PGA5: variants seen among roughly 807,000 people sequenced by gnomAD.
PGA5 encodes the protein pepsin A-5.
Under a neutral mutation model 15.9 loss-of-function variants are expected in PGA5, and 19 were observed. That is an observed-to-expected ratio of 1.19 (90% confidence interval 0.83 to 1.75). The LOEUF is 1.75. Among genes scored for constraint, PGA5 ranks in the 40% most tolerant of loss-of-function variants. The probability of loss-of-function intolerance (pLI) is 0.00; values close to 1 mark genes in which losing one functional copy is unlikely to be tolerated. For missense variants in PGA5, 224 were observed against 246.4 expected (o/e 0.91, Z 0.61); for synonymous variants, 92 against 95.8 (o/e 0.96, Z 0.23).
At position 61,249,601 on chromosome 11, in the gene PGA5, T is replaced by C. The variant is rs548059628; in HGVS notation, c.774-68T>C. 4.8e-4 allele frequency: 776 copies of C among 1,613,002 alleles called. 9 individuals carry two copies. In the South Asian group the frequency reaches 8.2e-3, roughly 17 times the overall value. ...TGGGGAAGGAATGTCTGGGCTCACC[T>C]CCTGGTTCCTCCTTGGAGAGATGAA... On this transcript the variant is annotated intron_variant, in intron 6 of 8. Coordinates refer to ENST00000312403, the MANE Select transcript of PGA5 (RefSeq NM_014224.5).
chr11:61,250,066 C>T lies in PGA5; in HGVS notation c.1017+52C>T, dbSNP rs769541559. The T allele has an allele frequency of 8.2e-6, 13 of 1,587,044 alleles. No homozygotes were observed. In the African/African-American group the frequency reaches 1.7e-4, roughly 20 times the overall value. Reference sequence around the variant, plus strand: ...GAGAGGTTCACACAGAATGTGGACACAGAGTCCCCTTCTGCAGAGGGAAAG... The same window carrying T: ...GAGAGGTTCACACAGAATGTGGACATAGAGTCCCCTTCTGCAGAGGGAAAG... On this transcript the variant is annotated intron_variant, in intron 8 of 8. Coordinates refer to ENST00000312403, the MANE Select transcript of PGA5 (RefSeq NM_014224.5).
intron 8 of PGA5, chr11:61,250,549 T>C: frequency 2.2e-6 from 1 of 456,648 alleles, no homozygotes; most frequent in South Asian, 1.6e-5. Flanking sequence ...CTTTCCCTTC[T>C]GTTATTATAA....
chr11:61,248,339 C>A (rs561301513), intron 5 of PGA5, 80 bp from the exon 6 acceptor site: 7 of 1,613,758 alleles, frequency 4.3e-6, no homozygotes, highest in African/African-American at 4.0e-5. Context: ...AATCAACGGT[C>A]GCTCTGAGGA....
chr11:61,250,621 C>T, intron 8 of PGA5: 1 of 459,586 alleles, frequency 2.2e-6, no homozygotes, highest in Non-Finnish European at 4.3e-6. Flanking sequence ...GCACTGATGC[C>T]TGGGCTCCCC....
At chr11:61,248,057 T>G (rs946412917) in intron 5 of PGA5, 1 of 611,306 alleles carries the variant, frequency 1.6e-6, no homozygotes, top group Non-Finnish European at 2.9e-6. Context: ...GAGCGGACAC[T>G]GTCATGCATT....
rs1357577100 is a variant in PGA5, at chr11:61,251,376, G to C, written c.*95G>C. ...ATTCTCCTGACTGTTCTTCCCAGGG[G>C]AGTGTGAAGGTCTTGGCCCTGTTCC... is the stretch of plus-strand genomic sequence containing the variant. On this transcript the variant is annotated 3_prime_UTR_variant, in exon 9 of 9. Transcript: ENST00000312403. 2 of 1,588,784 alleles carry C rather than the reference G, an allele frequency of 1.3e-6. No homozygotes were observed. The highest frequency in any genetic ancestry group is 3.4e-5 in the Admixed American group (2 of 58,662).
At chr11:61,251,005 C>G in intron 8 of PGA5, 127 bp from the exon 9 acceptor site, 2 of 1,575,540 alleles carry the variant, frequency 1.3e-6, no homozygotes, top group Non-Finnish European at 1.7e-6. Context: ...TCCCTGGACA[C>G]TGAGCCAGGA....
rs756045395 is a variant in PGA5, at chr11:61,251,185, T to C, written c.1071T>C (p.Ser357=). The change falls in exon 9 of 9, where the codon TCT becomes TCC. Residue 357 remains serine, a synonymous_variant. Coordinates refer to ENST00000312403, the MANE Select transcript of PGA5 (RefSeq NM_014224.5). ...GFQGMNVPTE[S]GELWILGDVF... Reference sequence around the variant, plus strand: ...AGGGCATGAACGTCCCCACCGAATCTGGAGAGCTTTGGATCCTGGGTGATG... The same window carrying C: ...AGGGCATGAACGTCCCCACCGAATCCGGAGAGCTTTGGATCCTGGGTGATG... 3.7e-6 allele frequency: 6 copies of C among 1,611,736 alleles called. No homozygotes were observed. The highest frequency in any genetic ancestry group is 5.1e-6 in the Non-Finnish European group (6 of 1,179,872).
intron 5 of PGA5, among the ~76,000 whole-genome samples, chr11:61,247,600 C>A (rs568950139): frequency 7.2e-5 from 11 of 151,968 alleles, no homozygotes; most frequent in Non-Finnish European, 1.5e-4. Flanking sequence ...TTCTTATTGC[C>A]GTCTACATTT....
At chr11:61,246,985 A>G (rs1334064498) in intron 5 of PGA5, among the ~76,000 whole-genome samples, 1 of 152,000 alleles carries the variant, frequency 6.6e-6, no homozygotes, top group African/African-American at 2.4e-5. Flanking sequence ...AAATGAACAA[A>G]CAAACAAATG....
In PGA5 at chr11:61,251,342, A is replaced by C. The variant is rs1413973479; in HGVS notation, c.*61A>C. 1 of 1,610,880 alleles carries C rather than the reference A, an allele frequency of 6.2e-7. No homozygotes were observed. Among genetic ancestry groups the C allele is most frequent in the Admixed American group, 1.7e-5 (1 of 59,938 alleles). The stretch of plus-strand genomic sequence containing the variant: ...GGCCTCCGTCCTATGCCCACTTTAG[A>C]TGTATCTAATTCTCCTGACTGTTCT... On this transcript the variant is annotated 3_prime_UTR_variant, in exon 9 of 9. Coordinates refer to ENST00000312403, the MANE Select transcript of PGA5 (RefSeq NM_014224.5).
In PGA5 at chr11:61,246,132, G is replaced by C. The variant is rs1164979046; in HGVS notation, c.643G>C (p.Val215Leu). The C allele has an allele frequency of 7.2e-6, 3 of 416,652 alleles. No individual in the cohort carries two copies. The highest frequency in any genetic ancestry group is 1.3e-5 in the Non-Finnish European group (3 of 239,624). The allele number at this position is 416,652 out of a possible 1,614,324, so 25.8% of individuals were successfully genotyped here. ...CCTGGTTTCTCAGGACCTCTTCTCTGTCTACCTCAGCGCGTAAGTTGAGTG... is the reference window on the plus strand; with the variant it reads ...CCTGGTTTCTCAGGACCTCTTCTCTCTCTACCTCAGCGCGTAAGTTGAGTG... ...QGLVSQDLFS[V>L]YLSADDKSGS... The change falls in exon 5 of 9, where the codon GTC becomes CTC. Residue 215 changes from valine (V) to leucine (L), a missense_variant. By Grantham distance (32) the Val-to-Leu change is conservative (BLOSUM62 1). Coordinates refer to ENST00000312403, the MANE Select transcript of PGA5 (RefSeq NM_014224.5).
intron 8 of PGA5, chr11:61,250,655 G>A: frequency 2.2e-6 from 1 of 461,534 alleles, no homozygotes; most frequent in South Asian, 1.5e-5. Flanking sequence ...TACATTAGGA[G>A]AGGGCAAGGC....
At position 61,251,183 on chromosome 11, in the gene PGA5, T is replaced by C; in HGVS notation, c.1069T>C (p.Ser357Pro). Residue 357 changes from serine to proline, a missense_variant, in exon 9 of 9, where the codon TCT becomes CCT. By Grantham distance (74) the Ser-to-Pro change is moderately conservative. Coordinates refer to ENST00000312403, the MANE Select transcript of PGA5 (RefSeq NM_014224.5). ...GFQGMNVPTE[S>P]GELWILGDVF... ...CCAGGGCATGAACGTCCCCACCGAA[T>C]CTGGAGAGCTTTGGATCCTGGGTGA... The C allele has an allele frequency of 6.2e-7, 1 of 1,611,838 alleles. No individual in the cohort carries two copies. The highest frequency in any genetic ancestry group is 8.5e-7 in the Non-Finnish European group (1 of 1,179,848).
chr11:61,250,562 T>A (rs1319842259), intron 8 of PGA5: 1 of 457,280 alleles, frequency 2.2e-6, no homozygotes, highest in Admixed American at 2.4e-5. Flanking sequence ...TATTATAACG[T>A]CAGGTGGAAA....
intron 5 of PGA5, chr11:61,248,087 T>C (rs1854089984): frequency 3.2e-6 from 2 of 631,178 alleles, no homozygotes; most frequent in Admixed American, 2.6e-5. Flanking sequence ...GGGGTCCCCA[T>C]GGCAACCAGA....
chr11:61,251,339 T>C lies in PGA5; in HGVS notation c.*58T>C, dbSNP rs1854139300. On this transcript the variant is annotated 3_prime_UTR_variant, in exon 9 of 9. Transcript: ENST00000312403. ...TCTGGCCTCCGTCCTATGCCCACTTTAGATGTATCTAATTCTCCTGACTGT... is the reference window on the plus strand; with the variant it reads ...TCTGGCCTCCGTCCTATGCCCACTTCAGATGTATCTAATTCTCCTGACTGT... 1.2e-6 allele frequency: 2 copies of C among 1,610,864 alleles called. No homozygotes were observed. Among genetic ancestry groups the C allele is most frequent in the East Asian group, 2.2e-5 (1 of 44,892 alleles).
chr11:61,249,871 A>C lies in PGA5; in HGVS notation c.919-45A>C, dbSNP rs375697483. 17 of 1,613,678 alleles carry C rather than the reference A, an allele frequency of 1.1e-5. 1 individual carries two copies. In the Middle Eastern group the frequency reaches 9.9e-4, roughly 94 times the overall value. The stretch of plus-strand genomic sequence containing the variant: ...TCAAGTAGTGGGTGTGCCAGGCAGA[A>C]GCGACGAAAACCCTTCTAACTTTTC... On this transcript the variant is annotated intron_variant, in intron 7 of 8. Transcript: ENST00000312403.
intron 8 of PGA5, among the ~76,000 whole-genome samples, chr11:61,250,538 T>C (rs938253743): frequency 6.6e-6 from 1 of 151,822 alleles, no homozygotes; most frequent in African/African-American, 2.4e-5. Flanking sequence ...ACAAGAAAAC[T>C]CTTTCCCTTC....
Sources: gnomAD v4.1 joint callset for allele counts (sites outside exome capture counted in the v4.1 genomes callset) on GRCh38, gnomAD v4.1.1 for gene constraint, MANE v1.5 for transcripts, NCBI Gene and HGNC (gene_info 2026-07-23, HGNC 2026-07-21) for gene names.